Variants in FRMD3 observed in about 807,000 individuals in gnomAD.
FRMD3 encodes FERM domain-containing protein 3.
FRMD3 carries 33 observed loss-of-function variants against 70.2 expected under a neutral mutation model. The observed-to-expected ratio is 0.47, with a 90% CI of 0.36 to 0.63. The LOEUF (loss-of-function observed/expected upper bound fraction) is 0.63. FRMD3 is among the 20% of genes least tolerant of loss of function. The probability of loss-of-function intolerance (pLI) is 0.00; values close to 1 mark genes in which losing one functional copy is unlikely to be tolerated. For synonymous variants in FRMD3, 279 were observed against 255.9 expected, an observed-to-expected ratio of 1.09 and a Z score of -0.86; for missense variants, 632 against 711.4, an observed-to-expected ratio of 0.89 and a Z score of 1.27.
chr9:83,330,329 A>AC (rs1302145847), intron 6 of FRMD3, among the ~76,000 whole-genome samples: 2 of 136,078 alleles, frequency 1.5e-5, no homozygotes, highest in Non-Finnish European at 3.3e-5. Flanking sequence ...CATCTCAAAA[A>AC]AAAAAAAACA....
At chr9:83,547,485 T>C in the FRMD3 span, among the ~76,000 whole-genome samples, 2 of 151,908 alleles carry the variant, frequency 1.3e-5, no homozygotes, top group Admixed American at 1.3e-4. Flanking sequence ...CAAGAAGATA[T>C]AACAATTCTA....
At chr9:83,392,220 T>C (rs924107800) in intron 1 of FRMD3, among the ~76,000 whole-genome samples, 2 of 152,186 alleles carry the variant, frequency 1.3e-5, no homozygotes, top group African/African-American at 4.8e-5. Context: ...CCCTGGCCTC[T>C]GCACGTTGCC....
chr9:83,285,957 T>C (rs1486133852), intron 13 of FRMD3, among the ~76,000 whole-genome samples: 1 of 152,226 alleles, frequency 6.6e-6, no homozygotes. Context: ...TTTGAAAACA[T>C]TCCCGTTGCC....
intron 1 of FRMD3, among the ~76,000 whole-genome samples, chr9:83,536,879 T>C (rs908157459): frequency 7.2e-6 from 1 of 138,924 alleles, no homozygotes; most frequent in African/African-American, 2.8e-5. Flanking sequence ...CTCTGGGAGA[T>C]GCTGCCCCAC....
intron 1 of FRMD3, among the ~76,000 whole-genome samples, chr9:83,408,101 G>A (rs1826177400): frequency 6.6e-6 from 1 of 152,046 alleles, no homozygotes; most frequent in Admixed American, 6.6e-5. Flanking sequence ...CACTTCCACT[G>A]CATTCTACTG....
intron 1 of FRMD3, among the ~76,000 whole-genome samples, chr9:83,420,992 G>C (rs906564269): frequency 7.0e-6 from 1 of 142,220 alleles, no homozygotes; most frequent in African/African-American, 2.7e-5. Flanking sequence ...CCAGGCTGGA[G>C]TGCAGTGGCG....
intron 10 of FRMD3, among the ~76,000 whole-genome samples, chr9:83,304,024 T>C (rs939804277): frequency 3.3e-5 from 5 of 152,214 alleles, no homozygotes; most frequent in African/African-American, 1.2e-4. Context: ...TTCTTTCACT[T>C]AGCATACTGT....
the FRMD3 span, among the ~76,000 whole-genome samples, chr9:83,584,265 C>T: frequency 2.6e-5 from 4 of 151,948 alleles, no homozygotes; most frequent in Non-Finnish European, 4.4e-5. Context: ...GAGCTAAGAT[C>T]GCACCACTGC....
intron 1 of FRMD3, among the ~76,000 whole-genome samples, chr9:83,473,383 T>C (rs1828316888): frequency 6.6e-6 from 1 of 152,174 alleles, no homozygotes; most frequent in Non-Finnish European, 1.5e-5. Flanking sequence ...TCACCTACCT[T>C]CCACAGCAGG....
At chr9:83,384,151 C>A (rs1825442325) in intron 2 of FRMD3, among the ~76,000 whole-genome samples, 1 of 152,192 alleles carries the variant, frequency 6.6e-6, no homozygotes, top group Non-Finnish European at 1.5e-5. Flanking sequence ...CACACAGACA[C>A]CCAAGAAGTC....
chr9:83,486,895 C>A (rs1036115960), intron 1 of FRMD3, among the ~76,000 whole-genome samples: 3 of 152,178 alleles, frequency 2.0e-5, no homozygotes, highest in African/African-American at 7.2e-5. Context: ...CAACTCTACA[C>A]CTCAGTTTAA....
At chr9:83,504,585 A>T (rs1313476794) in intron 1 of FRMD3, among the ~76,000 whole-genome samples, 1 of 102,958 alleles carries the variant, frequency 9.7e-6, no homozygotes, top group Non-Finnish European at 2.1e-5. Context: ...TCTCCCAGGT[A>T]TTCATTTGAC....
chr9:83,418,385 G>C (rs1223524798), intron 1 of FRMD3, among the ~76,000 whole-genome samples: 1 of 151,964 alleles, frequency 6.6e-6, no homozygotes, highest in Non-Finnish European at 1.5e-5. Flanking sequence ...ATCCAATGAA[G>C]GACTAGTGTC....
chr9:83,318,495 G>GTA (rs980571605), intron 6 of FRMD3, among the ~76,000 whole-genome samples: 1 of 151,944 alleles, frequency 6.6e-6, no homozygotes, highest in African/African-American at 2.4e-5. Flanking sequence ...GTGTGTGTGT[G>GTA]TGTATATATA....
intron 12 of FRMD3, among the ~76,000 whole-genome samples, chr9:83,294,436 CTT>C (rs1834573926): frequency 1.3e-5 from 2 of 152,312 alleles, no homozygotes; most frequent in African/African-American, 2.4e-5. Flanking sequence ...CTAATTCTCT[CTT>C]TAAACTTTTT....
intron 1 of FRMD3, among the ~76,000 whole-genome samples, chr9:83,476,383 CAAAA>C (rs35937281): frequency 4.4e-5 from 5 of 114,050 alleles, no homozygotes; most frequent in African/African-American, 1.6e-4. Flanking sequence ...GACTCTCTCT[CAAAA>C]AAAAAAAAAA....
At chr9:83,405,626 C>T (rs573568082) in intron 1 of FRMD3, among the ~76,000 whole-genome samples, 9 of 151,758 alleles carry the variant, frequency 5.9e-5, no homozygotes, top group Admixed American at 2.0e-4. Flanking sequence ...AAAAATTAGC[C>T]GGGCATGGTG....
At chr9:83,541,254 C>T (rs1483168470), upstream of FRMD3, among the ~76,000 whole-genome samples, 1 of 147,090 alleles carries the variant, frequency 6.8e-6, no homozygotes, top group East Asian at 1.9e-4. Context: ...TTGCAAGATT[C>T]TGCTAATTTA....
intron 1 of FRMD3, among the ~76,000 whole-genome samples, chr9:83,404,342 G>T (rs1564060810): frequency 1.3e-5 from 2 of 152,132 alleles, no homozygotes; most frequent in Admixed American, 6.6e-5. Context: ...GCTATTACAA[G>T]CCAGCTTTCT....
Sources: allele counts gnomAD v4.1 joint callset (sites outside exome capture counted in the v4.1 genomes callset), GRCh38; gene constraint gnomAD v4.1.1; transcripts MANE v1.5; gene names NCBI Gene and HGNC (gene_info 2026-07-23, HGNC 2026-07-21).